LPP: variants seen among roughly 807,000 people sequenced by gnomAD.
LPP encodes LIM domain containing preferred translocation partner in lipoma, also known as lipoma-preferred partner.
A neutral mutation model predicts 60.4 loss-of-function variants in LPP; 38 were observed. The ratio of observed to expected loss-of-function variants is 0.63; its 90% CI spans 0.49 to 0.83. The LOEUF is 0.83. Among genes scored for constraint, LPP ranks in the 40% least tolerant of loss-of-function variants. The pLI is 0.00. For missense variants in LPP, 902 were observed against 783.6 expected (o/e 1.15, Z -1.80); for synonymous variants, 328 against 290.8 (o/e 1.13, Z -1.30).
chr3:188,458,271 G>A (rs549696486), intron 4 of LPP, among the ~76,000 whole-genome samples: 6 of 152,184 alleles, frequency 3.9e-5, no homozygotes, highest in South Asian at 2.1e-4. Flanking sequence ...AAGCACTTTC[G>A]ACCCACATGA....
chr3:188,224,192 A>G (rs934743419), intron 1 of LPP, among the ~76,000 whole-genome samples: 4 of 151,766 alleles, frequency 2.6e-5, no homozygotes, highest in African/African-American at 9.7e-5. Context: ...TGAAGAGGTC[A>G]CCTCCTTACC....
chr3:188,377,139 T>G (rs575380709), intron 3 of LPP, among the ~76,000 whole-genome samples: 7 of 152,342 alleles, frequency 4.6e-5, no homozygotes, highest in South Asian at 2.1e-4. Flanking sequence ...GCCCTTAACA[T>G]TTTTTCCTTC....
intron 9 of LPP, among the ~76,000 whole-genome samples, chr3:188,763,406 C>G (rs905359577): frequency 3.2e-4 from 48 of 152,150 alleles, no homozygotes; most frequent in Non-Finnish European, 5.9e-5. Flanking sequence ...TGTTGATCAA[C>G]TTAAGATCCT....
intron 5 of LPP, among the ~76,000 whole-genome samples, chr3:188,506,854 G>A (rs1452106484): frequency 1.3e-5 from 2 of 152,038 alleles, no homozygotes; most frequent in African/African-American, 4.8e-5. Context: ...CTGGAGTGCA[G>A]TGGCGCAATC....
chr3:188,819,011 T>G (rs886231416), intron 9 of LPP, among the ~76,000 whole-genome samples: 1 of 147,732 alleles, frequency 6.8e-6, no homozygotes, highest in Non-Finnish European at 1.5e-5. Flanking sequence ...TCTAAAGAGT[T>G]GCAACTCATG....
At chr3:188,729,299 T>A (rs1220756623) in intron 8 of LPP, among the ~76,000 whole-genome samples, 1 of 152,028 alleles carries the variant, frequency 6.6e-6, no homozygotes, top group Non-Finnish European at 1.5e-5. Context: ...GAGTCTGGAG[T>A]TCAGTGATAA....
In LPP at chr3:188,634,090, C is replaced by A. The variant is rs566572552; in HGVS notation, c.1113+24246C>A. Among the ~76,000 whole-genome samples the A allele has an allele frequency of 1.2e-4, 19 of 152,224 alleles. 1 individual carries two copies. In the South Asian group the frequency reaches 3.9e-3, roughly 32 times the overall value. On this transcript the variant is annotated intron_variant, in intron 7 of 11. Coordinates refer to ENST00000617246, the MANE Select transcript of LPP (RefSeq NM_001375462.1). Reference sequence around the variant, plus strand: ...TCCATATAAAGAATAGTTACATAAACCTTAATAAAAAGAAAATACTGGGAA... The same window carrying A: ...TCCATATAAAGAATAGTTACATAAAACTTAATAAAAAGAAAATACTGGGAA...
At chr3:188,388,734 C>T (rs566220528) in intron 3 of LPP, among the ~76,000 whole-genome samples, 2 of 152,304 alleles carry the variant, frequency 1.3e-5, no homozygotes, top group South Asian at 4.1e-4. Flanking sequence ...CAAAAGTCTT[C>T]AGGCAAAGAA....
intron 7 of LPP, among the ~76,000 whole-genome samples, chr3:188,642,664 C>T (rs1360298140): frequency 3.9e-5 from 6 of 152,208 alleles, no homozygotes; most frequent in African/African-American, 1.4e-4. Flanking sequence ...CGGTCAGGTG[C>T]GGTGGCTCAC....
intron 1 of LPP, among the ~76,000 whole-genome samples, chr3:188,190,664 G>A (rs1727913216): frequency 5.3e-5 from 8 of 152,202 alleles, no homozygotes; most frequent in Admixed American, 3.3e-4. Flanking sequence ...GACAGCAGTA[G>A]AAGGCAGGAG....
At position 188,819,027 on chromosome 3, in the gene LPP, CGTGTGTGTGTGTGTGT is replaced by C. The variant is rs59994224; in HGVS notation, c.1411-47144_1411-47129del. ...CTAAAGAGTTGCAACTCATGGGGGT[CGTGTGTGTGTGTGTGT>C]GTGTGTGTGTGTGTGTGTGTGTGTG... On this transcript the variant is annotated intron_variant, in intron 9 of 11. Coordinates refer to ENST00000617246, the MANE Select transcript of LPP (RefSeq NM_001375462.1). Among the ~76,000 whole-genome samples the C allele has an allele frequency of 5.2e-3, 735 of 142,290 alleles. 14 individuals carry two copies. The South Asian group carries it at 0.06, about 12-fold the overall frequency. 93.3% of individuals were successfully genotyped at this position (142,290 alleles called of 152,430 possible). A position where few individuals can be genotyped will look rare whatever the true frequency, so the allele number is the denominator to read the frequency against.
At chr3:188,315,565 T>C (rs776286458) in intron 2 of LPP, among the ~76,000 whole-genome samples, 2 of 152,196 alleles carry the variant, frequency 1.3e-5, no homozygotes, top group African/African-American at 2.4e-5. Flanking sequence ...TTTTGCTAAA[T>C]AGTGTTTTTA....
chr3:188,782,246 T>A (rs1237204314), intron 9 of LPP, among the ~76,000 whole-genome samples: 1 of 152,184 alleles, frequency 6.6e-6, no homozygotes, highest in Non-Finnish European at 1.5e-5. Context: ...AATCCAAAGA[T>A]CAAAACTCAG....
intron 2 of LPP, among the ~76,000 whole-genome samples, chr3:188,315,020 C>A (rs1754627026): frequency 6.6e-6 from 1 of 151,822 alleles, no homozygotes; most frequent in African/African-American, 2.4e-5. Flanking sequence ...TGTGAAAATA[C>A]CTTCACTTAT....
intron 7 of LPP, among the ~76,000 whole-genome samples, chr3:188,690,512 T>G (rs1451530502): frequency 6.6e-6 from 1 of 152,204 alleles, no homozygotes; most frequent in Non-Finnish European, 1.5e-5. Context: ...CTGTGTTCCT[T>G]TAATCTACAA....
Position 188,263,099 on chromosome 3 carries a change from A to G in LPP, c.-67+37572A>G, listed in dbSNP as rs372261431. On this transcript the variant is annotated intron_variant, in intron 2 of 11. Transcript: ENST00000617246. Reference sequence around the variant, plus strand: ...TAAGAGGCCATTCACTGCTGACTGCAGCCATGCCATCCCTCCATGGAATCC... The same window carrying G: ...TAAGAGGCCATTCACTGCTGACTGCGGCCATGCCATCCCTCCATGGAATCC... Among the ~76,000 whole-genome samples, 163 of 152,264 alleles carry G rather than the reference A, an allele frequency of 1.1e-3. 3 individuals carry two copies. Among genetic ancestry groups the G allele is most frequent in the Admixed American group, 7.3e-3 (112 of 15,302 alleles).
chr3:188,845,052 A>G (rs887032286), intron 9 of LPP, among the ~76,000 whole-genome samples: 6 of 152,200 alleles, frequency 3.9e-5, no homozygotes, highest in African/African-American at 1.4e-4. Flanking sequence ...GAAACTTCCA[A>G]AATGAAGTGT....
intron 2 of LPP, among the ~76,000 whole-genome samples, chr3:188,282,036 A>T (rs1029103181): frequency 6.6e-6 from 1 of 151,044 alleles, no homozygotes; most frequent in Admixed American, 6.6e-5. Context: ...GTGTCTTTCT[A>T]CCTTGTCCTT....
chr3:188,607,368 A>T (rs925884128), intron 6 of LPP, among the ~76,000 whole-genome samples: 3 of 83,676 alleles, frequency 3.6e-5, no homozygotes, highest in African/African-American at 1.4e-4. Context: ...TTGAAAATAG[A>T]AGATATATAT....
Sources: allele counts gnomAD v4.1 joint callset (sites outside exome capture counted in the v4.1 genomes callset), GRCh38; gene constraint gnomAD v4.1.1; transcripts MANE v1.5; gene names NCBI Gene and HGNC (gene_info 2026-07-23, HGNC 2026-07-21).